The following LYRM1 variants were observed in gnomAD, a reference collection of about 807,000 sequenced individuals.
LYRM1 encodes LYR motif-containing protein 1.
LYRM1 carries 14 observed loss-of-function variants against 14.9 expected under a neutral mutation model. That is an observed-to-expected ratio of 0.94 (90% CI 0.62 to 1.47). The LOEUF is 1.47. Among genes scored for constraint, LYRM1 ranks in the 40% most tolerant of loss-of-function variants. The probability of loss-of-function intolerance (pLI) is 0.00; values close to 1 mark genes in which losing one functional copy is unlikely to be tolerated. For missense variants in LYRM1, 153 were observed against 149.9 expected, an observed-to-expected ratio of 1.02 and a Z score of -0.11; for synonymous variants, 43 against 56.2, an observed-to-expected ratio of 0.77 and a Z score of 1.05.
chr16:20,920,446 C>T (rs1306103435), intron 3 of LYRM1: 1 of 487,444 alleles, frequency 2.1e-6, no homozygotes, highest in Non-Finnish European at 3.7e-6. Context: ...GAAGGGAAAA[C>T]CAGCTCACAC....
intron 1 of LYRM1, among the ~76,000 whole-genome samples, chr16:20,904,836 CAG>C (rs2082244271): frequency 6.6e-6 from 1 of 151,696 alleles, no homozygotes; most frequent in Non-Finnish European, 1.5e-5. Flanking sequence ...GGGAGTATAA[CAG>C]ATCTAAGAGA....
At chr16:20,912,392 C>G (rs1384170988) in intron 1 of LYRM1, among the ~76,000 whole-genome samples, 6 of 152,072 alleles carry the variant, frequency 3.9e-5, no homozygotes, top group African/African-American at 1.4e-4. Context: ...GCCTCAGCCT[C>G]CCGATTAGCT....
intron 3 of LYRM1, among the ~76,000 whole-genome samples, chr16:20,923,583 A>G (rs186998963): frequency 1.1e-3 from 174 of 151,924 alleles, no homozygotes; most frequent in African/African-American, 4.1e-3. Flanking sequence ...AGTTAGTTTG[A>G]TCCCAGTTTT....
chr16:20,918,944 A>G (rs2083046687), intron 2 of LYRM1, among the ~76,000 whole-genome samples: 1 of 137,260 alleles, frequency 7.3e-6, no homozygotes. Flanking sequence ...TAGGACAGGA[A>G]CGCCCTTGAA....
intron 1 of LYRM1, among the ~76,000 whole-genome samples, chr16:20,913,966 G>A (rs569519248): frequency 1.2e-4 from 18 of 151,816 alleles, no homozygotes; most frequent in African/African-American, 4.1e-4. Flanking sequence ...TCACCACAAC[G>A]CCCAGCTAAT....
Position 20,924,074 on chromosome 16 carries a change from T to C in LYRM1, c.327T>C (p.Leu109=). The C allele has an allele frequency of 6.2e-7, 1 of 1,613,116 alleles. No individual in the cohort carries two copies. The highest frequency in any genetic ancestry group is 1.1e-5 in the South Asian group (1 of 90,944). The stretch of plus-strand genomic sequence containing the variant: ...GAAGCCAAGAGAAACTGAGGAAACT[T>C]TCCAAACCAGTATATCTCAGATCTC... The part of the protein sequence containing the change: ...GLRSQEKLRK[L]SKPVYLRSHD... The change falls in exon 4 of 4, where the codon CTT becomes CTC. Residue 109 remains leucine, a synonymous_variant. Transcript: ENST00000567954.
At chr16:20,916,450 A>G (rs1166406838) in intron 2 of LYRM1, among the ~76,000 whole-genome samples, 2 of 152,032 alleles carry the variant, frequency 1.3e-5, no homozygotes, top group African/African-American at 2.4e-5. Flanking sequence ...TGCTCCCCTC[A>G]TGAAACTTCC....
chr16:20,911,227 C>T (rs779217010), intron 1 of LYRM1: 2 of 152,116 alleles, frequency 1.3e-5, no homozygotes, highest in African/African-American at 2.4e-5. Context: ...TCATTCTTTA[C>T]TCAAGAATAA....
At position 20,915,718 on chromosome 16, in the gene LYRM1, AGTAGGCCC is replaced by A. The variant is rs769840246; in HGVS notation, c.159+5_159+12del. The stretch of plus-strand genomic sequence containing the variant: ...GCTGTTCCGGAAAAACAAAAATGTA[AGTAGGCCC>A]CACTTGGAGATTGTGCAGAGGAGAG... On this transcript the variant is annotated splice_donor_5th_base_variant and intron_variant, in intron 2 of 3. Transcript: ENST00000567954. The A allele has an allele frequency of 6.2e-6, 10 of 1,613,488 alleles. No individual in the cohort carries two copies. Among genetic ancestry groups the A allele is most frequent in the Non-Finnish European group, 8.5e-6 (10 of 1,179,712 alleles).
intron 1 of LYRM1, among the ~76,000 whole-genome samples, chr16:20,913,557 C>T (rs1315603606): frequency 6.6e-6 from 1 of 152,106 alleles, no homozygotes; most frequent in Admixed American, 6.5e-5. Context: ...AGTGATCCAC[C>T]TGCCTCGGCC....
chr16:20,906,219 C>G (rs2269765), intron 1 of LYRM1, among the ~76,000 whole-genome samples: 7 of 152,098 alleles, frequency 4.6e-5, no homozygotes, highest in Admixed American at 4.6e-4. Context: ...GGACACTGAC[C>G]CAGCCCCAGT....
At position 20,900,909 on chromosome 16, in the gene LYRM1, G is replaced by T; in HGVS notation, c.-1+20G>T. 1 of 152,720 alleles carries T rather than the reference G, an allele frequency of 6.5e-6. No homozygotes were observed. The highest frequency in any genetic ancestry group is 1.5e-5 in the Non-Finnish European group (1 of 68,334). The allele number at this position is 152,720 out of a possible 1,614,324, so 9.5% of individuals were successfully genotyped here. A position where few individuals can be genotyped will look rare whatever the true frequency, so the allele number is the denominator to read the frequency against. On this transcript the variant is annotated intron_variant, in intron 1 of 3. Coordinates refer to ENST00000567954, the MANE Select transcript of LYRM1 (RefSeq NM_001128302.3). ...CGCAGAGTGAGTGTAGGGGATGGAG[G>T]CGCCGACTCCAGGCGCGGGAGACTG...
chr16:20,901,182 G>C lies in LYRM1; in HGVS notation c.-1+293G>C, dbSNP rs1433104900. On this transcript the variant is annotated intron_variant, in intron 1 of 3. Transcript: ENST00000567954. This position sits in a 1 kb window ranked among gnomAD's most constrained non-coding sequence, Gnocchi z 4.6. ...ATCTTTTGGACCCCCGAATGTAAAT[G>C]GGAGATGGTAGGGGCCGGTCCGGGG... is the stretch of plus-strand genomic sequence containing the variant. 1 of 152,560 alleles carries C rather than the reference G, an allele frequency of 6.6e-6. No individual in the cohort carries two copies. The highest frequency in any genetic ancestry group is 1.5e-5 in the Non-Finnish European group (1 of 68,334). The allele number at this position is 152,560 out of a possible 1,614,324, so 9.5% of individuals were successfully genotyped here.
In LYRM1 at chr16:20,901,207, G is replaced by A. The variant is rs1178893142; in HGVS notation, c.-1+318G>A. On this transcript the variant is annotated intron_variant, in intron 1 of 3. Coordinates refer to ENST00000567954, the MANE Select transcript of LYRM1 (RefSeq NM_001128302.3). This position sits in a 1 kb window ranked among gnomAD's most constrained non-coding sequence, Gnocchi z 4.6. Reference sequence around the variant, plus strand: ...GGGAGATGGTAGGGGCCGGTCCGGGGGCGAGAGGTGTCTGGCTGGGGAACG... The same window carrying A: ...GGGAGATGGTAGGGGCCGGTCCGGGAGCGAGAGGTGTCTGGCTGGGGAACG... 6.6e-6 allele frequency: 1 copy of A among 152,442 alleles called. No homozygotes were observed. Among genetic ancestry groups the A allele is most frequent in the African/African-American group, 2.4e-5 (1 of 41,464 alleles). 9.4% of individuals were successfully genotyped at this position (152,442 alleles called of 1,614,324 possible).
At chr16:20,912,649 A>G (rs2082654553) in intron 1 of LYRM1, among the ~76,000 whole-genome samples, 1 of 152,218 alleles carries the variant, frequency 6.6e-6, no homozygotes, top group Non-Finnish European at 1.5e-5. Flanking sequence ...ATATCTTCAT[A>G]CAGCAGGCTG....
intron 3 of LYRM1, among the ~76,000 whole-genome samples, chr16:20,923,324 AC>A (rs1882209607): frequency 6.6e-6 from 1 of 151,872 alleles, no homozygotes; most frequent in African/African-American, 2.4e-5. Flanking sequence ...ACATGGCAAA[AC>A]CCCATATCTA....
In LYRM1 at chr16:20,924,198, G is replaced by A; in HGVS notation, c.*82G>A. On this transcript the variant is annotated 3_prime_UTR_variant, in exon 4 of 4. Transcript: ENST00000567954. ...CAGATGGCAAAACACTTCTTGATTA[G>A]GGGCAAAAATTCAAATGTCTTCTTA... is the stretch of plus-strand genomic sequence containing the variant. 1.4e-6 allele frequency: 1 copy of A among 731,260 alleles called. No homozygotes were observed. Among genetic ancestry groups the A allele is most frequent in the Non-Finnish European group, 2.3e-6 (1 of 432,164 alleles). The allele number at this position is 731,260 out of a possible 1,614,324, so 45.3% of individuals were successfully genotyped here. A position where few individuals can be genotyped will look rare whatever the true frequency, so the allele number is the denominator to read the frequency against.
rs1467064223 is a variant in LYRM1 at position 20,901,590 on chromosome 16, A to G, written c.-1+701A>G. Among the ~76,000 whole-genome samples, 1 of 152,248 alleles carries G rather than the reference A, an allele frequency of 6.6e-6. No individual in the cohort carries two copies. Among genetic ancestry groups the G allele is most frequent in the Non-Finnish European group, 1.5e-5 (1 of 68,046 alleles). On this transcript the variant is annotated intron_variant, in intron 1 of 3. Transcript: ENST00000567954. The surrounding 1 kb of genome is among the most constrained non-coding windows in gnomAD (Gnocchi z 4.6). ...GCCAGAAGGCCATGTGGCTGAAGCA[A>G]ACAGAGCCAGGGCCGGAGTGCCCTG...
At chr16:20,909,269 A>G (rs1022622866) in intron 1 of LYRM1, among the ~76,000 whole-genome samples, 6 of 152,214 alleles carry the variant, frequency 3.9e-5, no homozygotes, top group African/African-American at 1.4e-4. Flanking sequence ...CGTGATTTTT[A>G]AGAAAAGAGA....
Sources: allele counts gnomAD v4.1 joint callset (sites outside exome capture counted in the v4.1 genomes callset), GRCh38; gene constraint gnomAD v4.1.1; non-coding constraint Gnocchi (gnomAD v3.1); transcripts MANE v1.5; gene names NCBI Gene and HGNC (gene_info 2026-07-23, HGNC 2026-07-21).